The following PIAS2 variants were observed in gnomAD, a reference collection of about 807,000 sequenced individuals.
PIAS2 encodes the protein E3 SUMO-protein ligase PIAS2.
A neutral mutation model predicts 69.7 loss-of-function variants in PIAS2; 19 were observed. The observed-to-expected ratio is 0.27, with a 90% confidence interval of 0.19 to 0.40. PIAS2 has a LOEUF of 0.40. Among genes scored for constraint, PIAS2 ranks in the 10% least tolerant of loss-of-function variants. The probability of loss-of-function intolerance (pLI) is 1.00; values close to 1 mark genes in which losing one functional copy is unlikely to be tolerated. For missense variants in PIAS2, 624 were observed against 757.0 expected, an observed-to-expected ratio of 0.82 and a Z score of 2.06; for synonymous variants, 261 against 263.2, an observed-to-expected ratio of 0.99 and a Z score of 0.08.
At chr18:46,880,799 G>C (rs2052107584) in intron 2 of PIAS2, among the ~76,000 whole-genome samples, 2 of 152,124 alleles carry the variant, frequency 1.3e-5, no homozygotes, top group South Asian at 4.1e-4. Context: ...GATAACCTGT[G>C]TCTTGACATG....
chr18:46,912,225 G>C (rs1370590508), intron 1 of PIAS2, among the ~76,000 whole-genome samples: 1 of 152,114 alleles, frequency 6.6e-6, no homozygotes, highest in Non-Finnish European at 1.5e-5. Flanking sequence ...CTGGTACCAG[G>C]GTCCCCTGCA....
intron 8 of PIAS2, among the ~76,000 whole-genome samples, chr18:46,838,721 C>A (rs1242215076): frequency 6.6e-6 from 1 of 152,154 alleles, no homozygotes; most frequent in Non-Finnish European, 1.5e-5. Context: ...AACTCTATGA[C>A]TCCAGAAAAG....
At chr18:46,899,579 T>C (rs2055458102) in intron 1 of PIAS2, among the ~76,000 whole-genome samples, 1 of 152,210 alleles carries the variant, frequency 6.6e-6, no homozygotes, top group African/African-American at 2.4e-5. Context: ...GTGATCTTCC[T>C]GCCTCAGCCT....
chr18:46,837,366 C>T (rs2044603334), intron 8 of PIAS2, among the ~76,000 whole-genome samples: 1 of 152,084 alleles, frequency 6.6e-6, no homozygotes, highest in South Asian at 2.1e-4. Flanking sequence ...GGTAGTTGAG[C>T]CTCTTCTTTT....
intron 5 of PIAS2, among the ~76,000 whole-genome samples, chr18:46,849,700 T>A (rs932762596): frequency 6.6e-6 from 1 of 152,214 alleles, no homozygotes; most frequent in Admixed American, 6.5e-5. Flanking sequence ...ACTTGAATAC[T>A]TCTAACAAAG....
chr18:46,807,396 T>A lies in PIAS2; in HGVS notation c.*5037A>T, dbSNP rs1312032975. The A allele has an allele frequency of 3.1e-4, 30 of 95,512 alleles. No homozygotes were observed. The highest frequency in any genetic ancestry group is 4.6e-4 in the Non-Finnish European group (22 of 47,502). The allele number at this position is 95,512 out of a possible 1,614,324, so 5.9% of individuals were successfully genotyped here. A position where few individuals can be genotyped will look rare whatever the true frequency, so the allele number is the denominator to read the frequency against. On this transcript the variant is annotated 3_prime_UTR_variant, in exon 14 of 14. Transcript: ENST00000585916. ...ATATATATATATATTTTTTTTTTTTTTTTTTTTTTTTTTTAGAGAGTCTTG... is the reference window on the plus strand; with the variant it reads ...ATATATATATATATTTTTTTTTTTTATTTTTTTTTTTTTTAGAGAGTCTTG...
At chr18:46,894,363 G>A (rs1326147854) in intron 1 of PIAS2, among the ~76,000 whole-genome samples, 1 of 152,136 alleles carries the variant, frequency 6.6e-6, no homozygotes, top group Non-Finnish European at 1.5e-5. Flanking sequence ...CCACATGGGG[G>A]TTAAGGTTAG....
At chr18:46,824,820 T>C (rs1303405153) in intron 11 of PIAS2, among the ~76,000 whole-genome samples, 5 of 148,090 alleles carry the variant, frequency 3.4e-5, no homozygotes, top group East Asian at 2.0e-4. Flanking sequence ...CTGTGCAACA[T>C]GGTAAAACCC....
chr18:46,908,696 TAAG>T (rs1258173871), intron 1 of PIAS2, among the ~76,000 whole-genome samples: 2 of 152,150 alleles, frequency 1.3e-5, no homozygotes, highest in Non-Finnish European at 2.9e-5. Context: ...ACATAAAAAT[TAAG>T]AACTTCTACT....
At chr18:46,901,014 C>T (rs935739383) in intron 1 of PIAS2, 1 of 404,732 alleles carries the variant, frequency 2.5e-6, no homozygotes, top group African/African-American at 2.2e-5. Context: ...GAACTAACAA[C>T]AATTCAATAT....
chr18:46,913,893 C>T (rs1193744421), intron 1 of PIAS2, among the ~76,000 whole-genome samples: 1 of 152,172 alleles, frequency 6.6e-6, no homozygotes, highest in Admixed American at 6.5e-5. Flanking sequence ...ACCCAGAAAT[C>T]CTGGCTTCAA....
Position 46,803,439 on chromosome 18 carries a change from G to A in PIAS2, c.*8994C>T, listed in dbSNP as rs2040557959. 1 of 152,162 alleles carries A rather than the reference G, an allele frequency of 6.6e-6. No individual in the cohort carries two copies. The highest frequency in any genetic ancestry group is 1.5e-5 in the Non-Finnish European group (1 of 68,028). The allele number at this position is 152,162 out of a possible 1,614,324, so 9.4% of individuals were successfully genotyped here. A position where few individuals can be genotyped will look rare whatever the true frequency, so the allele number is the denominator to read the frequency against. ...ACGTTATTTTCCTTCAGTCTCAGCTGCTGCTTCTTGATTTCCTTGTGTTCC... is the reference window on the plus strand; with the variant it reads ...ACGTTATTTTCCTTCAGTCTCAGCTACTGCTTCTTGATTTCCTTGTGTTCC... On this transcript the variant is annotated 3_prime_UTR_variant, in exon 14 of 14. Transcript: ENST00000585916.
chr18:46,806,222 C>G lies in PIAS2; in HGVS notation c.*6211G>C, dbSNP rs1017890962. The G allele has an allele frequency of 1.3e-5, 2 of 152,082 alleles. No individual in the cohort carries two copies. The highest frequency in any genetic ancestry group is 6.5e-5 in the Admixed American group (1 of 15,268). The allele number at this position is 152,082 out of a possible 1,614,324, so 9.4% of individuals were successfully genotyped here. On this transcript the variant is annotated 3_prime_UTR_variant, in exon 14 of 14. Coordinates refer to ENST00000585916, the MANE Select transcript of PIAS2 (RefSeq NM_004671.5). Reference sequence around the variant, plus strand: ...AGGTCAGACTCCCAAGTCCACTACTCATTCACTGTGACCTTGGGAAACTTA... The same window carrying G: ...AGGTCAGACTCCCAAGTCCACTACTGATTCACTGTGACCTTGGGAAACTTA...
intron 9 of PIAS2, among the ~76,000 whole-genome samples, chr18:46,833,192 G>T (rs1335577526): frequency 6.6e-6 from 1 of 152,128 alleles, no homozygotes; most frequent in Non-Finnish European, 1.5e-5. Context: ...GACAAACTGT[G>T]GGTTAGAATG....
chr18:46,917,727 G>T, upstream of PIAS2: 1 of 252,200 alleles, frequency 4.0e-6, no homozygotes, highest in Non-Finnish European at 6.3e-6. Flanking sequence ...CTAGAGCTGG[G>T]TCGCAACTGA....
At chr18:46,842,291 A>G (rs1294052435) in intron 8 of PIAS2, among the ~76,000 whole-genome samples, 10 of 151,886 alleles carry the variant, frequency 6.6e-5, no homozygotes, top group African/African-American at 1.9e-4. Flanking sequence ...AAAAAAAAAA[A>G]AAATTTAAAA....
At position 46,807,383 on chromosome 18, in the gene PIAS2, A is replaced by ATATGT; in HGVS notation, c.*5049_*5050insACATA. On this transcript the variant is annotated 3_prime_UTR_variant, in exon 14 of 14. Coordinates refer to ENST00000585916, the MANE Select transcript of PIAS2 (RefSeq NM_004671.5). ...TATATATATATATATATATATATAT[A>ATATGT]TTTTTTTTTTTTTTTTTTTTTTTTT... The ATATGT allele has an allele frequency of 8.6e-5, 1 of 11,612 alleles. No homozygotes were observed. Among genetic ancestry groups the ATATGT allele is most frequent in the Non-Finnish European group, 1.3e-4 (1 of 7,456 alleles). The allele number at this position is 11,612 out of a possible 1,614,324, so 0.7% of individuals were successfully genotyped here.
chr18:46,896,242 C>A (rs1598937728), intron 1 of PIAS2, among the ~76,000 whole-genome samples: 2 of 127,682 alleles, frequency 1.6e-5, no homozygotes, highest in Admixed American at 7.6e-5. Flanking sequence ...AGTAAACAAA[C>A]GTATGGTCTT....
chr18:46,874,620 C>A (rs1361260216), intron 2 of PIAS2, among the ~76,000 whole-genome samples: 1 of 152,160 alleles, frequency 6.6e-6, no homozygotes, highest in Non-Finnish European at 1.5e-5. Context: ...TCTGAACTAC[C>A]CCTCGGAAAG....
Sources: allele counts gnomAD v4.1 joint callset (sites outside exome capture counted in the v4.1 genomes callset), GRCh38; gene constraint gnomAD v4.1.1; transcripts MANE v1.5; gene names NCBI Gene and HGNC (gene_info 2026-07-23, HGNC 2026-07-21).